Variants in SYNJ2 observed in about 807,000 individuals in gnomAD.
SYNJ2 encodes polyphosphatidylinositol phosphatase SYNJ2.
SYNJ2 carries 116 observed loss-of-function variants against 141.3 expected under a neutral mutation model. That is an observed-to-expected ratio of 0.82 (90% CI 0.71 to 0.96). The LOEUF (loss-of-function observed/expected upper bound fraction) is 0.96, where lower values mean the gene tolerates loss of function less well. SYNJ2 is among the 40% of genes least tolerant of loss of function. The pLI is 0.00. For missense variants in SYNJ2, 1,873 were observed against 1,934.8 expected (o/e 0.97, Z 0.60); for synonymous variants, 745 against 777.7 (o/e 0.96, Z 0.70).
rs1782881516 is a variant in SYNJ2, at chr6:158,084,076, G to A, written c.3110G>A (p.Gly1037Glu). The A allele has an allele frequency of 3.1e-6, 5 of 1,614,174 alleles. No individual in the cohort carries two copies. Among genetic ancestry groups the A allele is most frequent in the Non-Finnish European group, 2.5e-6 (3 of 1,180,018 alleles). Residue 1037 changes from glycine to glutamate, a missense_variant, in exon 22 of 27, where the codon GGG becomes GAG. Physicochemically the swap from Gly to Glu is moderately conservative, Grantham distance 98. Transcript: ENST00000355585. The surrounding 1 kb of genome is among the most constrained non-coding windows in gnomAD (Gnocchi z 5.0). The part of the protein sequence containing the change: ...NQPGVSDSEL[G>E]GDDLSDVPGP... ...CCTGGAGTCTCGGACAGTGAACTCG[G>A]GGGAGACGACCTCTCTGATGTCCCC... is the stretch of plus-strand genomic sequence containing the variant.
chr6:158,046,745 G>A (rs938177443), intron 5 of SYNJ2, among the ~76,000 whole-genome samples: 2 of 152,080 alleles, frequency 1.3e-5, no homozygotes, highest in Non-Finnish European at 2.9e-5. Flanking sequence ...TCATTTTTAC[G>A]TGTAAATGGG....
At chr6:157,996,875 C>A (rs1266846166) in intron 1 of SYNJ2, among the ~76,000 whole-genome samples, 1 of 152,202 alleles carries the variant, frequency 6.6e-6, no homozygotes, top group African/African-American at 2.4e-5. Context: ...TGCTGCCATG[C>A]TTCCCGTATA....
chr6:157,984,985 G>A (rs117845282), intron 1 of SYNJ2, among the ~76,000 whole-genome samples: 2,255 of 152,290 alleles, frequency 0.015, 29 homozygotes, highest in Non-Finnish European at 0.024. Flanking sequence ...GCTCCGCTGC[G>A]GATGCACATA....
chr6:157,988,226 CTG>C (rs1396907071), intron 1 of SYNJ2, among the ~76,000 whole-genome samples: 1 of 152,224 alleles, frequency 6.6e-6, no homozygotes, highest in Non-Finnish European at 1.5e-5. Flanking sequence ...AGCTGGGACT[CTG>C]TGTGTGTATG....
In SYNJ2 at chr6:158,009,033, C is replaced by T. The variant is rs142523999; in HGVS notation, c.128-8171C>T. On this transcript the variant is annotated intron_variant, in intron 1 of 26. Coordinates refer to ENST00000355585, the MANE Select transcript of SYNJ2 (RefSeq NM_003898.4). ...GTGCTTCTGCCGCAGGACCTTTGCA[C>T]GTGCCCTTCTGGGCCTACAGTGCTC... Among the ~76,000 whole-genome samples, 231 of 152,332 alleles carry T rather than the reference C, an allele frequency of 1.5e-3. 4 individuals are homozygous for T. Among genetic ancestry groups the T allele is most frequent in the African/African-American group, 5.0e-3 (208 of 41,574 alleles).
At chr6:158,089,738 T>C in intron 24 of SYNJ2, 101 bp from the exon 25 acceptor site, 1 of 734,404 alleles carries the variant, frequency 1.4e-6, no homozygotes, top group East Asian at 2.7e-5. Flanking sequence ...GTCAGCATCG[T>C]CTGGTGGAGC....
intron 20 of SYNJ2, 44 bp from the exon 21 acceptor site, chr6:158,083,385 T>C: frequency 6.3e-7 from 1 of 1,598,414 alleles, no homozygotes; most frequent in African/African-American, 1.3e-5. Context: ...ACAGGAGGGG[T>C]CATGATTTTT....
chr6:158,082,712 C>T (rs182419060), intron 20 of SYNJ2, among the ~76,000 whole-genome samples: 39 of 152,200 alleles, frequency 2.6e-4, no homozygotes, highest in Non-Finnish European at 4.9e-4. Flanking sequence ...CTGTGTCTCA[C>T]GTTGGAAGGC....
In SYNJ2 at chr6:158,096,812, G is replaced by C. The variant is rs1783821724; in HGVS notation, c.*448G>C. On this transcript the variant is annotated 3_prime_UTR_variant, in exon 27 of 27. Coordinates refer to ENST00000355585, the MANE Select transcript of SYNJ2 (RefSeq NM_003898.4). Reference sequence around the variant, plus strand: ...ATGTATAAAGTAAGGATTAGAGAAAGAGGTCGTTGTGACCATTAGTAGCTG... The same window carrying C: ...ATGTATAAAGTAAGGATTAGAGAAACAGGTCGTTGTGACCATTAGTAGCTG... 1 of 158,990 alleles carries C rather than the reference G, an allele frequency of 6.3e-6. No individual in the cohort carries two copies. Among genetic ancestry groups the C allele is most frequent in the Admixed American group, 6.2e-5 (1 of 16,020 alleles). The allele number at this position is 158,990 out of a possible 1,614,324, so 9.8% of individuals were successfully genotyped here.
intron 5 of SYNJ2, among the ~76,000 whole-genome samples, chr6:158,044,489 AG>A (rs1780130877): frequency 6.6e-6 from 1 of 152,206 alleles, no homozygotes; most frequent in South Asian, 2.1e-4. Context: ...TCTTTCCACT[AG>A]AAAGAGCGCA....
At position 158,070,438 on chromosome 6, in the gene SYNJ2, G is replaced by T; in HGVS notation, c.1940+765G>T. ...TCCTCTTCTCTGACTTTCAGAAGAT[G>T]TTTAGGTCCCTGTCCCTCTGCTTGT... On this transcript the variant is annotated intron_variant, in intron 14 of 26. Transcript: ENST00000355585. This position sits in a 1 kb window ranked among gnomAD's most constrained non-coding sequence, Gnocchi z 4.0. The T allele has an allele frequency of 1.0e-6, 1 of 985,526 alleles. No individual in the cohort carries two copies. The highest frequency in any genetic ancestry group is 1.7e-5 in the African/African-American group (1 of 57,352). 61.0% of individuals were successfully genotyped at this position (985,526 alleles called of 1,614,324 possible).
At chr6:158,039,223 G>A (rs1028570267) in intron 4 of SYNJ2, among the ~76,000 whole-genome samples, 2 of 152,226 alleles carry the variant, frequency 1.3e-5, no homozygotes, top group African/African-American at 2.4e-5. Flanking sequence ...ATCTAAGTTC[G>A]TTTTTAAAAC....
At chr6:158,017,405 C>CTTTTTTTTTT in intron 2 of SYNJ2, 115 bp downstream of exon 2, 1 of 599,278 alleles carries the variant, frequency 1.7e-6, no homozygotes, top group Non-Finnish European at 2.3e-6. Flanking sequence ...TCTCTCTCTT[C>CTTTTTTTTTT]TTTTTTTTTT....
At position 158,028,860 on chromosome 6, in the gene SYNJ2, C is replaced by T. The variant is rs778353772; in HGVS notation, c.319C>T (p.Leu107Phe). The change falls in exon 3 of 27, where the codon CTT (leucine) becomes TTT (phenylalanine). Residue 107 changes from leucine (L) to phenylalanine (F), a missense_variant. Leu to Phe is a conservative substitution (Grantham distance 22). Transcript: ENST00000355585. ...YKITATDFYP[L>F]QEEAKEEERL... ...AATCACTGCCACTGACTTTTACCCT[C>T]TTCAGGAAGAGGCCAAGGAGGAGGA... 9.3e-6 allele frequency: 15 copies of T among 1,614,116 alleles called. No homozygotes were observed. In the Middle Eastern group the frequency reaches 8.2e-4, roughly 88 times the overall value.
chr6:158,066,045 C>T (rs1781542097), intron 11 of SYNJ2, among the ~76,000 whole-genome samples: 1 of 152,152 alleles, frequency 6.6e-6, no homozygotes, highest in African/African-American at 2.4e-5. Context: ...TATATGGATG[C>T]ATACACAATG....
chr6:158,078,256 G>A lies in SYNJ2; in HGVS notation c.2542G>A (p.Ala848Thr). ...SPGALQYYGR[A>T]ELQASDHRPV... ...TGGTGCCCTGCAGTATTATGGTCGT[G>A]CGGAGCTACAAGCGTCTGATCACAG... is the stretch of plus-strand genomic sequence containing the variant. The change falls in exon 18 of 27, where the codon GCG (alanine) becomes ACG (threonine). Residue 848 changes from alanine to threonine, a missense_variant. Coordinates refer to ENST00000355585, the MANE Select transcript of SYNJ2 (RefSeq NM_003898.4). 2 of 1,613,830 alleles carry A rather than the reference G, an allele frequency of 1.2e-6. No homozygotes were observed. The highest frequency in any genetic ancestry group is 1.7e-6 in the Non-Finnish European group (2 of 1,179,784).
rs752520103 is a variant in SYNJ2 at position 158,016,421 on chromosome 6, A to G, written c.128-783A>G. 5.3e-5 allele frequency among the ~76,000 whole-genome samples: 8 copies of G among 152,324 alleles called. No individual in the cohort carries two copies. The East Asian group carries it at 5.8e-4, about 11-fold the overall frequency. On this transcript the variant is annotated intron_variant, in intron 1 of 26. Coordinates refer to ENST00000355585, the MANE Select transcript of SYNJ2 (RefSeq NM_003898.4). ...CAAAGTAAGCCACTGTGCCCGGCCA[A>G]AATGGAATCTTTCTGAGGTCTTTTG...
chr6:157,995,516 A>G (rs1458719925), intron 1 of SYNJ2, among the ~76,000 whole-genome samples: 1 of 152,208 alleles, frequency 6.6e-6, no homozygotes. Flanking sequence ...GGATAGGATC[A>G]TACACTCAGG....
intron 1 of SYNJ2, among the ~76,000 whole-genome samples, chr6:158,000,063 G>GATTTTTTT (rs1777779605): frequency 1.3e-5 from 1 of 78,314 alleles, no homozygotes; most frequent in Non-Finnish European, 2.7e-5. Context: ...AAGCCAAAAG[G>GATTTTTTT]CTTTTTTTTT....
Sources: gnomAD v4.1 joint callset for allele counts (sites outside exome capture counted in the v4.1 genomes callset) on GRCh38, gnomAD v4.1.1 for gene constraint, Gnocchi (gnomAD v3.1) non-coding constraint, MANE v1.5 for transcripts, NCBI Gene and HGNC (gene_info 2026-07-23, HGNC 2026-07-21) for gene names.